TRMT11: variants seen among roughly 807,000 people sequenced by gnomAD.
TRMT11 encodes tRNA (guanine(10)-N(2))-methyltransferase TRMT11.
In TRMT11, 53 loss-of-function variants were observed where a neutral mutation model predicts 62.8. The ratio of observed to expected loss-of-function variants is 0.84; its 90% confidence interval spans 0.68 to 1.06. TRMT11 has a LOEUF of 1.06. Ranked by LOEUF, TRMT11 falls within the 50% of genes least tolerant of loss-of-function variation. The pLI is 0.00. For synonymous variants in TRMT11, 188 were observed against 190.3 expected, an observed-to-expected ratio of 0.99 and a Z score of 0.10; for missense variants, 556 against 553.4, an observed-to-expected ratio of 1.00 and a Z score of -0.05.
chr6:126,026,948 G>A (rs1490779083), intron 12 of TRMT11, among the ~76,000 whole-genome samples: 2 of 150,962 alleles, frequency 1.3e-5, no homozygotes, highest in African/African-American at 2.4e-5. Context: ...GACTACAGGC[G>A]CCTGCCACCC....
At chr6:126,006,072 A>G (rs1793298322) in intron 7 of TRMT11, among the ~76,000 whole-genome samples, 1 of 151,958 alleles carries the variant, frequency 6.6e-6, no homozygotes, top group Admixed American at 6.6e-5. Flanking sequence ...GAAGGTTAGG[A>G]GAGTGAGATA....
At chr6:126,070,810 A>C (rs961256471) in intron 17 of TRMT11, among the ~76,000 whole-genome samples, 10 of 152,252 alleles carry the variant, frequency 6.6e-5, no homozygotes, top group Admixed American at 5.2e-4. Flanking sequence ...TGTCAGTAGT[A>C]GTATTCACCA....
At chr6:126,122,406 T>C (rs1388470588) in intron 21 of TRMT11, among the ~76,000 whole-genome samples, 1 of 152,076 alleles carries the variant, frequency 6.6e-6, no homozygotes, top group Non-Finnish European at 1.5e-5. Context: ...GAAACCAGAA[T>C]CCTTCCCCAA....
At chr6:125,997,579 C>T (rs889117761) in intron 3 of TRMT11, among the ~76,000 whole-genome samples, 5 of 152,250 alleles carry the variant, frequency 3.3e-5, no homozygotes, top group African/African-American at 1.2e-4. Flanking sequence ...ATGATCTTGG[C>T]TCATTTTAGT....
At chr6:126,147,250 CT>C (rs2128219108) in intron 21 of TRMT11, among the ~76,000 whole-genome samples, 1 of 152,284 alleles carries the variant, frequency 6.6e-6, no homozygotes, top group East Asian at 1.9e-4. Flanking sequence ...TTTTCGTTCT[CT>C]TTCCCCCCTT....
At chr6:126,266,924 T>A in the TRMT11 span, among the ~76,000 whole-genome samples, 24 of 152,298 alleles carry the variant, frequency 1.6e-4, no homozygotes, top group African/African-American at 4.6e-4. Context: ...TCTTCCTCCT[T>A]AACCTGTAAA....
At chr6:126,170,106 T>C (rs188767312) in intron 21 of TRMT11, among the ~76,000 whole-genome samples, 63 of 152,206 alleles carry the variant, frequency 4.1e-4, no homozygotes, top group African/African-American at 1.5e-3. Flanking sequence ...GCTCTCTACT[T>C]TTATTCTTAT....
At chr6:126,250,810 T>C in the TRMT11 span, among the ~76,000 whole-genome samples, 12 of 152,316 alleles carry the variant, frequency 7.9e-5, no homozygotes, top group African/African-American at 2.9e-4. Context: ...GTGGGCTTTT[T>C]TTCATTTGAT....
intron 1 of TRMT11, among the ~76,000 whole-genome samples, chr6:126,193,639 C>T: frequency 6.6e-6 from 1 of 151,438 alleles, no homozygotes; most frequent in East Asian, 1.9e-4. Context: ...ACCACAGGAG[C>T]CCGCCACCAC....
At chr6:126,035,548 C>A (rs1466874322) in intron 12 of TRMT11, among the ~76,000 whole-genome samples, 1 of 152,070 alleles carries the variant, frequency 6.6e-6, no homozygotes, top group African/African-American at 2.4e-5. Context: ...ATTTTCTCCC[C>A]AGGAGTTGCA....
At chr6:126,064,151 G>T (rs1156532903) in intron 17 of TRMT11, among the ~76,000 whole-genome samples, 1 of 152,052 alleles carries the variant, frequency 6.6e-6, no homozygotes, top group Non-Finnish European at 1.5e-5. Context: ...GGGAGAAGAT[G>T]GGGGTGAGCT....
At chr6:126,242,824 A>G in the TRMT11 span, among the ~76,000 whole-genome samples, 2 of 152,218 alleles carry the variant, frequency 1.3e-5, no homozygotes, top group Non-Finnish European at 2.9e-5. Context: ...CTAAAAACAT[A>G]AAAACCCTAG....
At chr6:126,226,807 C>G in the TRMT11 span, among the ~76,000 whole-genome samples, 1 of 151,992 alleles carries the variant, frequency 6.6e-6, no homozygotes, top group Non-Finnish European at 1.5e-5. Context: ...TGGCTGTGTC[C>G]CCACCCAAAT....
chr6:126,248,775 A>T, the TRMT11 span, among the ~76,000 whole-genome samples: 2 of 152,160 alleles, frequency 1.3e-5, no homozygotes, highest in Non-Finnish European at 2.9e-5. Context: ...AATGAACTGA[A>T]AACCTTATTA....
chr6:126,188,741 T>A (rs904431305), intron 1 of TRMT11, among the ~76,000 whole-genome samples: 1 of 152,312 alleles, frequency 6.6e-6, no homozygotes, highest in East Asian at 1.9e-4. Context: ...AGCCACTATA[T>A]AGTTACTGTT....
At chr6:126,025,648 T>A (rs549724583) in intron 12 of TRMT11, among the ~76,000 whole-genome samples, 1 of 152,334 alleles carries the variant, frequency 6.6e-6, no homozygotes, top group South Asian at 2.1e-4. Context: ...CAGCAAGATC[T>A]CAATCCTTTA....
downstream of TRMT11, among the ~76,000 whole-genome samples, chr6:126,040,243 CATT>C (rs1259538544): frequency 1.3e-5 from 2 of 152,028 alleles, no homozygotes; most frequent in Admixed American, 6.6e-5. Flanking sequence ...ATTTTAGTCA[CATT>C]ATCCTTAAAA....
chr6:125,996,522 G>A (rs1217531673), intron 3 of TRMT11, among the ~76,000 whole-genome samples: 2 of 152,082 alleles, frequency 1.3e-5, no homozygotes, highest in Non-Finnish European at 2.9e-5. Context: ...TTAATGTAAT[G>A]ATGCTGTTCA....
At chr6:126,162,434 T>C (rs1778202074) in intron 21 of TRMT11, among the ~76,000 whole-genome samples, 1 of 152,226 alleles carries the variant, frequency 6.6e-6, no homozygotes, top group African/African-American at 2.4e-5. Flanking sequence ...TCTGTTTTGT[T>C]ACCAGTACCA....
Sources: gnomAD v4.1 joint callset for allele counts (sites outside exome capture counted in the v4.1 genomes callset) on GRCh38, gnomAD v4.1.1 for gene constraint, MANE v1.5 for transcripts, NCBI Gene and HGNC (gene_info 2026-07-23, HGNC 2026-07-21) for gene names.